Variants in PLEKHA2 observed in about 807,000 individuals in gnomAD.
PLEKHA2 encodes the protein pleckstrin homology domain containing A2.
In PLEKHA2, 28 loss-of-function variants were observed where a neutral mutation model predicts 53.2. That is an observed-to-expected ratio of 0.53 (90% CI 0.39 to 0.72). PLEKHA2 has a LOEUF of 0.72. Among genes scored for constraint, PLEKHA2 ranks in the 30% least tolerant of loss-of-function variants. PLEKHA2 has a pLI of 0.00. For synonymous variants in PLEKHA2, 193 were observed against 196.4 expected (o/e 0.98, Z 0.14); for missense variants, 426 against 537.9 (o/e 0.79, Z 2.06).
intron 1 of PLEKHA2, among the ~76,000 whole-genome samples, chr8:38,911,028 A>G (rs1833945995): frequency 6.6e-6 from 1 of 152,232 alleles, no homozygotes; most frequent in Non-Finnish European, 1.5e-5. Context: ...CACTAAACCC[A>G]GAAAACACGA....
At chr8:38,939,774 T>C (rs9298645) in intron 3 of PLEKHA2, among the ~76,000 whole-genome samples, 133,278 of 152,200 alleles carry the variant, frequency 0.88, 59,022 homozygotes, top group African/African-American at 0.97. Context: ...GAGTGCCCAG[T>C]TTTTCAATGT....
chr8:38,905,973 T>G (rs757795366), intron 1 of PLEKHA2, among the ~76,000 whole-genome samples: 5 of 152,232 alleles, frequency 3.3e-5, no homozygotes, highest in Non-Finnish European at 5.9e-5. Context: ...CGTGAGCCAC[T>G]GTGCCCGGCC....
intron 3 of PLEKHA2, among the ~76,000 whole-genome samples, chr8:38,940,650 C>CA (rs1457989198): frequency 3.5e-5 from 2 of 56,942 alleles, no homozygotes; most frequent in East Asian, 7.9e-4. Flanking sequence ...ATTGAAGGGG[C>CA]GGGGGGGGGG....
intron 2 of PLEKHA2, among the ~76,000 whole-genome samples, chr8:38,925,036 A>T (rs1320694472): frequency 1.3e-5 from 2 of 151,060 alleles, no homozygotes; most frequent in Non-Finnish European, 3.0e-5. Flanking sequence ...TATAGTAAGG[A>T]TGTTCAGCAT....
intron 10 of PLEKHA2, among the ~76,000 whole-genome samples, chr8:38,964,609 A>G (rs1160729815): frequency 6.6e-6 from 1 of 152,102 alleles, no homozygotes; most frequent in Non-Finnish European, 1.5e-5. Flanking sequence ...CCACTGTTTT[A>G]GAGGACTAGG....
intron 3 of PLEKHA2, among the ~76,000 whole-genome samples, chr8:38,938,603 T>C (rs544870527): frequency 1.3e-5 from 2 of 152,248 alleles, no homozygotes; most frequent in Non-Finnish European, 2.9e-5. Flanking sequence ...TGAGAGTCTG[T>C]TGAGCTGTGG....
At chr8:38,967,135 A>T (rs2129425027) in intron 10 of PLEKHA2, among the ~76,000 whole-genome samples, 1 of 152,294 alleles carries the variant, frequency 6.6e-6, no homozygotes, top group South Asian at 2.1e-4. Context: ...ATTTTTATAG[A>T]TGAGTAGTAT....
intron 1 of PLEKHA2, among the ~76,000 whole-genome samples, chr8:38,908,263 T>C (rs1833908072): frequency 6.6e-6 from 1 of 152,124 alleles, no homozygotes; most frequent in South Asian, 2.1e-4. Flanking sequence ...GGAAAGGCGC[T>C]CAGAGGATGT....
chr8:38,912,916 T>C (rs528112685), intron 1 of PLEKHA2, among the ~76,000 whole-genome samples: 1 of 152,330 alleles, frequency 6.6e-6, no homozygotes, highest in Admixed American at 6.5e-5. Flanking sequence ...GCTGTTTTTT[T>C]CTAGGGATAG....
chr8:38,973,779 T>C lies in PLEKHA2; in HGVS notation c.*3996T>C. On this transcript the variant is annotated 3_prime_UTR_variant, in exon 12 of 12. Coordinates refer to ENST00000617275, the MANE Select transcript of PLEKHA2 (RefSeq NM_021623.2). ...TGTTTCAGCTGTGAAATGCACTCGC[T>C]GTAAGCTCTAGGCTGAGTGCATGGA... 1 of 173,160 alleles carries C rather than the reference T, an allele frequency of 5.8e-6. No homozygotes were observed. Among genetic ancestry groups the C allele is most frequent in the Non-Finnish European group, 1.2e-5 (1 of 82,912 alleles). 10.7% of individuals were successfully genotyped at this position (173,160 alleles called of 1,614,324 possible). A position where few individuals can be genotyped will look rare whatever the true frequency, so the allele number is the denominator to read the frequency against.
intron 10 of PLEKHA2, among the ~76,000 whole-genome samples, chr8:38,958,250 G>A (rs1834977072): frequency 6.6e-6 from 1 of 152,066 alleles, no homozygotes; most frequent in African/African-American, 2.4e-5. Context: ...TTGAACCCGG[G>A]AGGCAGAGGT....
chr8:38,969,949 G>A lies in PLEKHA2; in HGVS notation c.*166G>A. 2.9e-6 allele frequency: 2 copies of A among 684,260 alleles called. No homozygotes were observed. Among genetic ancestry groups the A allele is most frequent in the African/African-American group, 2.0e-5 (1 of 50,864 alleles). 42.4% of individuals were successfully genotyped at this position (684,260 alleles called of 1,614,324 possible). ...GGGCCCATCCAGCTGGGCTGTGTGT[G>A]TGTGTGTGTGTGTGTGTGTGTGTGT... On this transcript the variant is annotated 3_prime_UTR_variant, in exon 12 of 12. Transcript: ENST00000617275.
rs1835224690 is a variant in PLEKHA2, at chr8:38,970,426, T to G, written c.*643T>G. ...AGAGAGATATATATTTTTAATGAAA[T>G]AGAAGCTTGGCATAGAAACATTGAT... On this transcript the variant is annotated 3_prime_UTR_variant, in exon 12 of 12. Coordinates refer to ENST00000617275, the MANE Select transcript of PLEKHA2 (RefSeq NM_021623.2). The G allele has an allele frequency of 6.3e-6, 1 of 159,614 alleles. No individual in the cohort carries two copies. The highest frequency in any genetic ancestry group is 6.5e-5 in the Admixed American group (1 of 15,476). 9.9% of individuals were successfully genotyped at this position (159,614 alleles called of 1,614,324 possible).
chr8:38,928,385 A>G (rs1181018267), intron 2 of PLEKHA2, among the ~76,000 whole-genome samples: 12 of 151,852 alleles, frequency 7.9e-5, no homozygotes, highest in African/African-American at 2.9e-4. Context: ...GATACCTGGG[A>G]TTAAAGGTGT....
chr8:38,915,054 C>G (rs1834012160), intron 1 of PLEKHA2, among the ~76,000 whole-genome samples: 1 of 152,148 alleles, frequency 6.6e-6, no homozygotes, highest in South Asian at 2.1e-4. Flanking sequence ...TCAAGCGATT[C>G]TCCTACCTCA....
Position 38,953,289 on chromosome 8 carries a change from T to C in PLEKHA2, c.703-8T>C. On this transcript the variant is annotated splice_polypyrimidine_tract_variant and splice_region_variant and intron_variant, in intron 8 of 11. Transcript: ENST00000617275. Reference sequence around the variant, plus strand: ...CTCACTTACCTGTCTTTCTGTTCTTTCCACCAGGACCGAGAACCACTGCGC... The same window carrying C: ...CTCACTTACCTGTCTTTCTGTTCTTCCCACCAGGACCGAGAACCACTGCGC... 1 of 1,609,508 alleles carries C rather than the reference T, an allele frequency of 6.2e-7. No individual in the cohort carries two copies. Among genetic ancestry groups the C allele is most frequent in the Non-Finnish European group, 8.5e-7 (1 of 1,175,796 alleles).
chr8:38,929,899 C>A (rs565911132), intron 2 of PLEKHA2, among the ~76,000 whole-genome samples: 1 of 152,286 alleles, frequency 6.6e-6, no homozygotes, highest in Non-Finnish European at 1.5e-5. Flanking sequence ...GTCTTCTGGT[C>A]ATTTCTGTGT....
chr8:38,937,345 C>T (rs926355371), intron 3 of PLEKHA2, among the ~76,000 whole-genome samples: 1 of 152,178 alleles, frequency 6.6e-6, no homozygotes, highest in South Asian at 2.1e-4. Flanking sequence ...CAGGCCTGCC[C>T]GCCCTCCCTG....
At chr8:38,948,900 T>G (rs951300603) in intron 5 of PLEKHA2, among the ~76,000 whole-genome samples, 4 of 152,200 alleles carry the variant, frequency 2.6e-5, no homozygotes, top group African/African-American at 9.7e-5. Context: ...AAACGGAGTC[T>G]CGCTCTATAG....
Sources: gnomAD v4.1 joint callset for allele counts (sites outside exome capture counted in the v4.1 genomes callset) on GRCh38, gnomAD v4.1.1 for gene constraint, MANE v1.5 for transcripts, NCBI Gene and HGNC (gene_info 2026-07-23, HGNC 2026-07-21) for gene names.